PARP16: variants seen among roughly 807,000 people sequenced by gnomAD.
PARP16 encodes the protein poly(ADP-ribose) polymerase family member 16.
In PARP16, 31 loss-of-function variants were observed where a neutral mutation model predicts 35.0. The ratio of observed to expected loss-of-function variants is 0.88; its 90% confidence interval spans 0.66 to 1.19. The LOEUF is 1.19. PARP16 is among the 50% of genes most tolerant of loss of function. The pLI is 0.00. For synonymous variants in PARP16, 162 were observed against 169.5 expected (o/e 0.96, Z 0.34); for missense variants, 424 against 411.2 (o/e 1.03, Z -0.27).
At chr15:65,239,682 A>C (rs1371992298) in intron 3 of PARP16, among the ~76,000 whole-genome samples, 4 of 145,526 alleles carry the variant, frequency 2.7e-5, no homozygotes. Flanking sequence ...TTTGAGGCAG[A>C]GTCTTGCTCT....
rs535553341 is a variant in PARP16, at chr15:65,268,522, C to T, written c.313-1754G>A. On this transcript the variant is annotated intron_variant, in intron 2 of 5. Transcript: ENST00000649807. ...GTGCAGTGGTGTGATCCTAGCTCAT[C>T]GCAGCCTTGAACTCCTGGGTTCGAG... is the stretch of plus-strand genomic sequence containing the variant. 1.4e-4 allele frequency among the ~76,000 whole-genome samples: 21 copies of T among 152,126 alleles called. No homozygotes were observed. In the South Asian group the frequency reaches 2.3e-3, roughly 16 times the overall value.
intron 2 of PARP16, among the ~76,000 whole-genome samples, chr15:65,250,979 G>A (rs2089344562): frequency 6.6e-6 from 1 of 152,138 alleles, no homozygotes; most frequent in Non-Finnish European, 1.5e-5. Context: ...TGCCTCCCAG[G>A]TCCAAGCGAT....
At chr15:65,281,141 C>T (rs376509049) in intron 1 of PARP16, among the ~76,000 whole-genome samples, 5 of 152,052 alleles carry the variant, frequency 3.3e-5, no homozygotes, top group African/African-American at 4.8e-5. Flanking sequence ...CATGCTATTT[C>T]GGGAGGGAAA....
chr15:65,280,335 G>T (rs560518757), intron 1 of PARP16, among the ~76,000 whole-genome samples: 15 of 151,440 alleles, frequency 9.9e-5, no homozygotes, highest in Non-Finnish European at 1.9e-4. Flanking sequence ...TACACGGGAG[G>T]CTGACGTAGG....
chr15:65,244,482 T>C (rs2089158257), intron 3 of PARP16, among the ~76,000 whole-genome samples: 1 of 152,094 alleles, frequency 6.6e-6, no homozygotes, highest in African/African-American at 2.4e-5. Flanking sequence ...CTCCCCTTTA[T>C]AAAACCATCA....
rs144414574 is a variant in PARP16 at position 65,276,737 on chromosome 15, T to C, written c.175-5665A>G. 4.5e-3 allele frequency among the ~76,000 whole-genome samples: 679 copies of C among 152,146 alleles called. 7 individuals carry two copies. Among genetic ancestry groups the C allele is most frequent in the Non-Finnish European group, 7.2e-3 (490 of 68,002 alleles). On this transcript the variant is annotated intron_variant, in intron 1 of 5. Transcript: ENST00000649807. ...TATTCATACTTAAAATCCCAGCACT[T>C]TGGGAGGTTGAGGTGGGTGGATCAC...
chr15:65,261,123 G>A (rs2089697761), intron 4 of PARP16, 97 bp from the exon 5 acceptor site: 1 of 1,170,442 alleles, frequency 8.5e-7, no homozygotes, highest in Non-Finnish European at 1.2e-6. Flanking sequence ...GTGCTGAGGG[G>A]GAAGAAGGCC....
At chr15:65,234,068 G>A (rs1048266948), downstream of PARP16, among the ~76,000 whole-genome samples, 1 of 152,124 alleles carries the variant, frequency 6.6e-6, no homozygotes, top group African/African-American at 2.4e-5. Context: ...ACACAGACTC[G>A]AGAATCTGAT....
intron 3 of PARP16, among the ~76,000 whole-genome samples, chr15:65,241,447 C>A (rs115915956): frequency 3.0e-4 from 46 of 152,292 alleles, no homozygotes; most frequent in African/African-American, 1.1e-3. Context: ...GGCCAGTTTT[C>A]TAAAGTGCTT....
chr15:65,277,723 G>A (rs2090298748), intron 1 of PARP16, among the ~76,000 whole-genome samples: 1 of 152,040 alleles, frequency 6.6e-6, no homozygotes, highest in Non-Finnish European at 1.5e-5. Context: ...ATTTAGTGGT[G>A]GACTGAATAT....
At chr15:65,277,880 A>G (rs1268828412) in intron 1 of PARP16, among the ~76,000 whole-genome samples, 2 of 152,246 alleles carry the variant, frequency 1.3e-5, no homozygotes, top group East Asian at 1.9e-4. Context: ...AGGGAGAAAG[A>G]TGTATGTAAT....
At chr15:65,268,759 TTTC>T (rs555054300) in intron 2 of PARP16, among the ~76,000 whole-genome samples, 127 of 152,034 alleles carry the variant, frequency 8.4e-4, no homozygotes, top group Admixed American at 8.5e-4. Flanking sequence ...TCAGTGGTTT[TTTC>T]TTTTTTTTTT....
intron 1 of PARP16, among the ~76,000 whole-genome samples, chr15:65,274,932 A>G (rs1261309755): frequency 6.6e-6 from 1 of 152,094 alleles, no homozygotes; most frequent in African/African-American, 2.4e-5. Flanking sequence ...CCTGGCCAAC[A>G]TGGCAAAACA....
At chr15:65,269,104 T>G (rs564804931) in intron 2 of PARP16, among the ~76,000 whole-genome samples, 7 of 152,088 alleles carry the variant, frequency 4.6e-5, no homozygotes, top group Non-Finnish European at 8.8e-5. Context: ...TCTATAGTGG[T>G]TACACCTATA....
At chr15:65,273,867 A>G (rs1595709465) in intron 1 of PARP16, among the ~76,000 whole-genome samples, 1 of 117,738 alleles carries the variant, frequency 8.5e-6, no homozygotes, top group Admixed American at 9.1e-5. Context: ...CAATAGCAAA[A>G]CTCTGTTTCA....
At chr15:65,248,023 C>T in intron 3 of PARP16, 1 of 372,506 alleles carries the variant, frequency 2.7e-6, no homozygotes, top group Non-Finnish European at 5.3e-6. Flanking sequence ...CCAGGATGGT[C>T]TCGATCTCCT....
Position 65,259,462 on chromosome 15 carries a change from AC to A in PARP16, c.913del (p.Val305Ter), listed in dbSNP as rs781338033. The A allele has an allele frequency of 1.9e-6, 3 of 1,613,988 alleles. No homozygotes were observed. The highest frequency in any genetic ancestry group is 2.5e-6 in the Non-Finnish European group (3 of 1,179,808). On this transcript the variant is annotated frameshift_variant, in exon 6 of 6. Transcript: ENST00000649807. LOFTEE classifies it high-confidence loss of function. ...ISLYLLLLLI[V>X]SVINSSAFQH... ...GAAAGCAGAGGAGTTGATGACACTCACTATGAGCAGCAGCAGCAGATACAGG... is the reference window on the plus strand; with the variant it reads ...GAAAGCAGAGGAGTTGATGACACTCATATGAGCAGCAGCAGCAGATACAGG...
intron 2 of PARP16, among the ~76,000 whole-genome samples, chr15:65,249,975 A>C (rs1343087506): frequency 6.6e-6 from 1 of 152,202 alleles, no homozygotes; most frequent in Non-Finnish European, 1.5e-5. Context: ...CAGAGCTCAC[A>C]ACCCCAGTCT....
chr15:65,247,782 A>T (rs2089247587), intron 3 of PARP16, among the ~76,000 whole-genome samples: 1 of 150,896 alleles, frequency 6.6e-6, no homozygotes. Flanking sequence ...ACAGGCACTT[A>T]GACCAATGGA....
Sources: gnomAD v4.1 joint callset for allele counts (sites outside exome capture counted in the v4.1 genomes callset) on GRCh38, gnomAD v4.1.1 for gene constraint, MANE v1.5 for transcripts, NCBI Gene and HGNC (gene_info 2026-07-23, HGNC 2026-07-21) for gene names.